The following WDFY3 variants were observed in gnomAD, a reference collection of about 807,000 sequenced individuals.
WDFY3 encodes WD repeat and FYVE domain-containing protein 3.
WDFY3 carries 66 observed loss-of-function variants against 409.6 expected under a neutral mutation model. That is an observed-to-expected ratio of 0.16 (90% CI 0.13 to 0.20). WDFY3 has a LOEUF of 0.20. Ranked by LOEUF, WDFY3 falls within the 10% of genes least tolerant of loss-of-function variation. WDFY3 has a pLI of 1.00. For synonymous variants in WDFY3, 1,521 were observed against 1,537.1 expected (o/e 0.99, Z 0.25); for missense variants, 3,031 against 4,298.1 (o/e 0.71, Z 8.24).
At chr4:84,852,053 T>C (rs1759098960) in intron 4 of WDFY3, among the ~76,000 whole-genome samples, 1 of 152,220 alleles carries the variant, frequency 6.6e-6, no homozygotes, top group Admixed American at 6.5e-5. Context: ...AACTTTTACC[T>C]TTTCACTTAA....
intron 7 of WDFY3, among the ~76,000 whole-genome samples, chr4:84,834,938 CAAAG>C: frequency 6.6e-6 from 1 of 152,238 alleles, no homozygotes; most frequent in Admixed American, 6.5e-5. Context: ...GGAACTAAAA[CAAAG>C]AAAGTGATAC....
rs1054116783 is a variant in WDFY3 at position 84,876,954 on chromosome 4, T to C, written c.-31-16332A>G. On this transcript the variant is annotated intron_variant, in intron 3 of 67. Coordinates refer to ENST00000295888, the MANE Select transcript of WDFY3 (RefSeq NM_014991.6). ...AAGTTACCAACTTGCTTAGAGATAA[T>C]TTCATGCTATTAAATTATCAATATC... Among the ~76,000 whole-genome samples, 11 of 152,240 alleles carry C rather than the reference T, an allele frequency of 7.2e-5. 1 individual carries two copies.
At chr4:84,870,186 TGAAAA>T (rs1248567908) in intron 3 of WDFY3, among the ~76,000 whole-genome samples, 1 of 152,172 alleles carries the variant, frequency 6.6e-6, no homozygotes, top group Non-Finnish European at 1.5e-5. Context: ...TGTACTAATA[TGAAAA>T]GAAAAGTTAA....
intron 4 of WDFY3, among the ~76,000 whole-genome samples, chr4:84,856,698 T>C (rs913123237): frequency 6.6e-6 from 1 of 152,144 alleles, no homozygotes; most frequent in Admixed American, 6.6e-5. Context: ...AATCATGCAC[T>C]GAAATAACAC....
At chr4:84,725,479 C>A (rs1402883347) in intron 45 of WDFY3, among the ~76,000 whole-genome samples, 1 of 152,078 alleles carries the variant, frequency 6.6e-6, no homozygotes, top group Non-Finnish European at 1.5e-5. Flanking sequence ...CCCTTAAAAT[C>A]ACGGAAGATG....
intron 4 of WDFY3, among the ~76,000 whole-genome samples, chr4:84,850,928 G>GTTTTTTTTTTTTTTTTTTTTTTATTTTT (rs1758871328): frequency 2.2e-5 from 1 of 46,220 alleles, no homozygotes; most frequent in African/African-American, 9.3e-5. Flanking sequence ...TTATTTATCT[G>GTTTTTTTTTTTTTTTTTTTTTTATTTTT]TTTTTTTTTT....
intron 1 of WDFY3, among the ~76,000 whole-genome samples, chr4:84,949,875 T>C (rs540855606): frequency 6.6e-6 from 1 of 152,092 alleles, no homozygotes; most frequent in Non-Finnish European, 1.5e-5. Context: ...ACAAGTGCAG[T>C]AGATAATAAA....
chr4:84,833,678 A>G (rs188833719), intron 7 of WDFY3, among the ~76,000 whole-genome samples: 1 of 143,046 alleles, frequency 7.0e-6, no homozygotes, highest in African/African-American at 2.6e-5. Flanking sequence ...AAAGAAAAGA[A>G]AAGAAAAGAA....
chr4:84,717,941 G>A (rs574662287), intron 48 of WDFY3, among the ~76,000 whole-genome samples: 219 of 151,308 alleles, frequency 1.4e-3, no homozygotes, highest in South Asian at 2.5e-3. Context: ...CCAGCTACTC[G>A]GGAGGCTGAG....
rs371179196 is a variant in WDFY3, at chr4:84,820,175, T to C, written c.1603A>G (p.Asn535Asp). Reference protein sequence around the residue: ...QALNEQGDSRNNSSVEDQKHL... With the variant: ...QALNEQGDSRDNSSVEDQKHL... ...TTTTGGTCTTCAACTGAACTATTAT[T>C]TCTTGAGTCCCCTAAAAAAAGGTTC... The change falls in exon 12 of 68, where the codon AAT (asparagine) becomes GAT (aspartate). Residue 535 changes from asparagine (N) to aspartate (D), a missense_variant. Asn to Asp is a conservative substitution (Grantham distance 23). This residue lies in a region of WDFY3 where 1,322 missense variants were observed against 1,697.9 expected (regional missense o/e 0.78). Transcript: ENST00000295888. 1.9e-6 allele frequency: 3 copies of C among 1,608,168 alleles called. No individual in the cohort carries two copies. Among genetic ancestry groups the C allele is most frequent in the Non-Finnish European group, 2.5e-6 (3 of 1,177,080 alleles).
chr4:84,828,914 C>A, intron 9 of WDFY3, 90 bp downstream of exon 9: 1 of 1,330,330 alleles, frequency 7.5e-7, no homozygotes, highest in South Asian at 1.8e-5. Context: ...CCTTAATTTG[C>A]TTTTCCTATA....
chr4:84,716,896 C>T lies in WDFY3; in HGVS notation c.7875G>A (p.Gln2625=). ...KEVHKRRYLL[Q]PIAVEVFSGD... is the part of the protein sequence containing the mutation. ...AAACAGTACTACTAAATTGACTCAC[C>T]TGCAGGAGATATCTCCTTTTATGAA... Residue 2625 remains glutamine (Q), a splice_region_variant and synonymous_variant, in exon 49 of 68, where the codon CAG becomes CAA. Coordinates refer to ENST00000295888, the MANE Select transcript of WDFY3 (RefSeq NM_014991.6). 6.3e-7 allele frequency: 1 copy of T among 1,586,182 alleles called. No individual in the cohort carries two copies. The highest frequency in any genetic ancestry group is 8.6e-7 in the Non-Finnish European group (1 of 1,166,032).
intron 36 of WDFY3, among the ~76,000 whole-genome samples, chr4:84,747,518 G>T (rs946776170): frequency 6.6e-6 from 1 of 152,092 alleles, no homozygotes; most frequent in South Asian, 2.1e-4. Flanking sequence ...GAAGATGGTT[G>T]GCATAGAGTC....
chr4:84,899,076 C>T (rs1041476428), intron 2 of WDFY3, among the ~76,000 whole-genome samples: 5 of 152,248 alleles, frequency 3.3e-5, no homozygotes, highest in South Asian at 2.1e-4. Context: ...TTCTAGGATA[C>T]GATCAACTGT....
intron 15 of WDFY3, among the ~76,000 whole-genome samples, chr4:84,808,059 T>A (rs991073592): frequency 2.6e-5 from 4 of 152,140 alleles, no homozygotes; most frequent in Non-Finnish European, 5.9e-5. Flanking sequence ...GTTTTTTCTA[T>A]AACAAAAATG....
At chr4:84,715,553 T>G (rs1578226350) in intron 49 of WDFY3, among the ~76,000 whole-genome samples, 170 bp from the exon 50 acceptor site, 1 of 152,104 alleles carries the variant, frequency 6.6e-6, no homozygotes, top group South Asian at 2.1e-4. Context: ...GGCGGGTGGA[T>G]CACAAGGTCA....
At chr4:84,797,242 T>A (rs1560784391) in intron 18 of WDFY3, among the ~76,000 whole-genome samples, 1 of 152,144 alleles carries the variant, frequency 6.6e-6, no homozygotes, top group African/African-American at 2.4e-5. Context: ...ATTAATTCTT[T>A]CCTTACAATT....
rs551965264 is a variant in WDFY3 at position 84,696,335 on chromosome 4, G to A, written c.8689-153C>T. On this transcript the variant is annotated intron_variant, in intron 57 of 67. Coordinates refer to ENST00000295888, the MANE Select transcript of WDFY3 (RefSeq NM_014991.6). ...CCTCTTATTTGTGGTTTCACTTTCT[G>A]AGGTTTCAGTTACCTGCAGTAAACC... Among the ~76,000 whole-genome samples, 3 of 152,240 alleles carry A rather than the reference G, an allele frequency of 2.0e-5. No individual in the cohort carries two copies. In the South Asian group the frequency reaches 6.2e-4, roughly 32 times the overall value.
At chr4:84,707,785 T>C (rs1732210177) in intron 53 of WDFY3, among the ~76,000 whole-genome samples, 1 of 152,254 alleles carries the variant, frequency 6.6e-6, no homozygotes, top group African/African-American at 2.4e-5. Context: ...TTATTATTTA[T>C]TTATTGTGCA....
Sources: allele counts gnomAD v4.1 joint callset (sites outside exome capture counted in the v4.1 genomes callset), GRCh38; gene constraint gnomAD v4.1.1; regional missense constraint gnomAD v4.1.1; transcripts MANE v1.5; gene names NCBI Gene and HGNC (gene_info 2026-07-23, HGNC 2026-07-21).